GYPC: variants seen among roughly 807,000 people sequenced by gnomAD.
The protein encoded by GYPC is glycophorin C (Gerbich blood group), also known as glycophorin-C.
A neutral mutation model predicts 12.6 loss-of-function variants in GYPC; 14 were observed. The ratio of observed to expected loss-of-function variants is 1.11; its 90% CI spans 0.74 to 1.74. GYPC has a LOEUF of 1.74. Ranked by LOEUF, GYPC falls within the 40% of genes most tolerant of loss-of-function variation. The pLI is 0.00. For synonymous variants in GYPC, 78 were observed against 62.1 expected, an observed-to-expected ratio of 1.26 and a Z score of -1.20; for missense variants, 225 against 172.1, an observed-to-expected ratio of 1.31 and a Z score of -1.72.
At chr2:126,660,366 C>A (rs180803609) in intron 1 of GYPC, among the ~76,000 whole-genome samples, 5 of 152,364 alleles carry the variant, frequency 3.3e-5, no homozygotes, top group African/African-American at 9.6e-5. Flanking sequence ...CCCTCCCTCA[C>A]GCACCGTCCC....
chr2:126,683,175 C>T (rs1683194766), intron 1 of GYPC, among the ~76,000 whole-genome samples: 1 of 152,100 alleles, frequency 6.6e-6, no homozygotes, highest in East Asian at 1.9e-4. Flanking sequence ...AAAAATTAGC[C>T]AGACATGGTG....
intron 2 of GYPC, among the ~76,000 whole-genome samples, chr2:126,691,520 G>C (rs886624217): frequency 1.3e-5 from 2 of 152,102 alleles, no homozygotes; most frequent in Non-Finnish European, 2.9e-5. Flanking sequence ...ATGGGAGCAG[G>C]GTAGGCTGAG....
chr2:126,678,648 A>G (rs1475141309), intron 1 of GYPC: 2 of 152,596 alleles, frequency 1.3e-5, no homozygotes, highest in African/African-American at 4.8e-5. Context: ...CCTTCCTTCC[A>G]GCATCCTTCA....
chr2:126,685,711 G>A lies in GYPC; in HGVS notation c.50-4544G>A, dbSNP rs148661898. On this transcript the variant is annotated intron_variant, in intron 1 of 3. Transcript: ENST00000259254. ...TAAATTGACTTTTCTAACCAGGCTT[G>A]TAGGTTCCTCGCAATTGAACACTCC... 339 of 883,806 alleles carry A rather than the reference G, an allele frequency of 3.8e-4. No homozygotes were observed. In the African/African-American group the frequency reaches 5.3e-3, roughly 14 times the overall value. The allele number at this position is 883,806 out of a possible 1,614,324, so 54.7% of individuals were successfully genotyped here. A position where few individuals can be genotyped will look rare whatever the true frequency, so the allele number is the denominator to read the frequency against.
chr2:126,695,532 T>C (rs960159656), intron 3 of GYPC, among the ~76,000 whole-genome samples: 4 of 152,126 alleles, frequency 2.6e-5, no homozygotes, highest in Admixed American at 1.3e-4. Flanking sequence ...GTTCTTGAGT[T>C]TGGAATGGCG....
chr2:126,696,186 TCAGGAAAAATACACCCCATCGCC>T lies in GYPC; in HGVS notation c.*48_*70del. 7.1e-7 allele frequency: 1 copy of T among 1,414,900 alleles called. No individual in the cohort carries two copies. The highest frequency in any genetic ancestry group is 1.0e-6 in the Non-Finnish European group (1 of 1,002,820). The allele number at this position is 1,414,900 out of a possible 1,614,324, so 87.6% of individuals were successfully genotyped here. A position where few individuals can be genotyped will look rare whatever the true frequency, so the allele number is the denominator to read the frequency against. ...TCCCTGAATGCCTCCCCCATCTCCA[TCAGGAAAAATACACCCCATCGCC>T]CAGCACCCCTGCTGATACCACCAGA... is the stretch of plus-strand genomic sequence containing the variant. On this transcript the variant is annotated 3_prime_UTR_variant, in exon 4 of 4. Transcript: ENST00000259254.
chr2:126,691,781 G>A (rs1248649561), intron 2 of GYPC, among the ~76,000 whole-genome samples: 1 of 152,128 alleles, frequency 6.6e-6, no homozygotes, highest in East Asian at 1.9e-4. Flanking sequence ...TTGTTTTAAA[G>A]GAAGAGGAAA....
intron 1 of GYPC, among the ~76,000 whole-genome samples, chr2:126,677,710 T>C (rs1978887): frequency 0.75 from 114,052 of 151,900 alleles, 42,977 homozygotes; most frequent in Admixed American, 0.78. Flanking sequence ...TCGCTAGGGA[T>C]GAGCACACGA....
At chr2:126,685,756 T>C in intron 1 of GYPC, 1 of 983,916 alleles carries the variant, frequency 1.0e-6, no homozygotes, top group Non-Finnish European at 1.2e-6. Flanking sequence ...CCACAGCACC[T>C]GGCCAACTGT....
intron 1 of GYPC, among the ~76,000 whole-genome samples, chr2:126,663,908 C>T (rs1314649614): frequency 6.6e-6 from 1 of 151,740 alleles, no homozygotes; most frequent in Non-Finnish European, 1.5e-5. Context: ...CCTTCATGCT[C>T]CCCTTTGAAT....
intron 1 of GYPC, chr2:126,678,250 G>T (rs1279003688): frequency 6.6e-6 from 1 of 151,806 alleles, no homozygotes; most frequent in Non-Finnish European, 1.5e-5. Flanking sequence ...AAAGAGGAAA[G>T]AAAGAAAAGA....
At chr2:126,658,446 T>G (rs1022599242) in intron 1 of GYPC, 1 of 152,178 alleles carries the variant, frequency 6.6e-6, no homozygotes, top group Non-Finnish European at 1.5e-5. Context: ...TCAACAGAGG[T>G]GAGAGGTTGG....
At chr2:126,678,033 A>C (rs975084832) in intron 1 of GYPC, among the ~76,000 whole-genome samples, 1 of 152,176 alleles carries the variant, frequency 6.6e-6, no homozygotes, top group African/African-American at 2.4e-5. Context: ...CATCCTGGCT[A>C]ACACGGTGAA....
At chr2:126,685,565 A>G (rs930494263) in intron 1 of GYPC, among the ~76,000 whole-genome samples, 4 of 152,048 alleles carry the variant, frequency 2.6e-5, no homozygotes, top group African/African-American at 7.2e-5. Flanking sequence ...TTGTATTTTT[A>G]GTAGAGATGG....
chr2:126,674,204 G>T (rs1682929631), intron 1 of GYPC, among the ~76,000 whole-genome samples: 1 of 152,228 alleles, frequency 6.6e-6, no homozygotes, highest in African/African-American at 2.4e-5. Context: ...CTCCGAGCGG[G>T]AGAAGCAGAA....
chr2:126,694,466 C>T (rs1371828017), intron 3 of GYPC, among the ~76,000 whole-genome samples: 1 of 133,478 alleles, frequency 7.5e-6, no homozygotes, highest in Admixed American at 7.4e-5. Flanking sequence ...GTGCTGTGTG[C>T]TCTGCGACCT....
At chr2:126,684,660 G>T (rs1683237447) in intron 1 of GYPC, among the ~76,000 whole-genome samples, 1 of 152,160 alleles carries the variant, frequency 6.6e-6, no homozygotes, top group African/African-American at 2.4e-5. Flanking sequence ...GCTCCTGATG[G>T]CAGGGACTTG....
chr2:126,672,555 G>A (rs1176247063), intron 1 of GYPC, among the ~76,000 whole-genome samples: 1 of 152,158 alleles, frequency 6.6e-6, no homozygotes, highest in East Asian at 1.9e-4. Flanking sequence ...CTCAGCACCT[G>A]CAGTCCACAG....
chr2:126,687,969 G>A (rs546007807), intron 1 of GYPC, among the ~76,000 whole-genome samples: 2 of 152,314 alleles, frequency 1.3e-5, no homozygotes, highest in East Asian at 3.9e-4. Context: ...ACTCAAGGCT[G>A]CCAGGGCTTC....
Sources: allele counts gnomAD v4.1 joint callset (sites outside exome capture counted in the v4.1 genomes callset), GRCh38; gene constraint gnomAD v4.1.1; transcripts MANE v1.5; gene names NCBI Gene and HGNC (gene_info 2026-07-23, HGNC 2026-07-21).